DGKI: variants seen among roughly 807,000 people sequenced by gnomAD.
DGKI encodes diacylglycerol kinase iota.
Under a neutral mutation model 147.5 loss-of-function variants are expected in DGKI, and 55 were observed. The observed-to-expected ratio is 0.37, with a 90% CI of 0.30 to 0.47. DGKI has a LOEUF of 0.47. Ranked by LOEUF, DGKI falls within the 20% of genes least tolerant of loss-of-function variation. DGKI has a pLI of 1.00. For synonymous variants in DGKI, 469 were observed against 477.1 expected (o/e 0.98, Z 0.22); for missense variants, 1,007 against 1,323.8 (o/e 0.76, Z 3.71).
intron 19 of DGKI, 128 bp from the exon 20 acceptor site, chr7:137,552,696 G>T: frequency 2.3e-6 from 2 of 887,914 alleles, no homozygotes; most frequent in Non-Finnish European, 3.4e-6. Flanking sequence ...ATCACCGGTG[G>T]TCAGGAGTTC....
intron 20 of DGKI, among the ~76,000 whole-genome samples, chr7:137,523,434 T>TCC (rs1554422819): frequency 2.7e-5 from 4 of 150,074 alleles, no homozygotes; most frequent in African/African-American, 9.8e-5. Flanking sequence ...CTCTCTCTCT[T>TCC]TCTCTCTCTC....
chr7:137,658,607 G>A (rs531234516), intron 3 of DGKI, among the ~76,000 whole-genome samples: 29 of 152,244 alleles, frequency 1.9e-4, no homozygotes, highest in African/African-American at 6.5e-4. Context: ...TTGACACTAC[G>A]CTCTGCATTA....
chr7:137,505,746 A>G (rs1816345507), intron 21 of DGKI, among the ~76,000 whole-genome samples: 1 of 151,810 alleles, frequency 6.6e-6, no homozygotes. Context: ...CCCAAAAAAT[A>G]CATAGAATTC....
chr7:137,521,028 C>T (rs883221), intron 21 of DGKI, among the ~76,000 whole-genome samples: 3,608 of 152,104 alleles, frequency 0.024, 164 homozygotes, highest in African/African-American at 0.082. Context: ...ATTGCCTATT[C>T]CCTTGGACAC....
At chr7:137,499,209 T>G (rs1363325208) in intron 21 of DGKI, among the ~76,000 whole-genome samples, 1 of 152,034 alleles carries the variant, frequency 6.6e-6, no homozygotes, top group African/African-American at 2.4e-5. Context: ...ATACAACGAG[T>G]AAAGTAGTTA....
intron 19 of DGKI, among the ~76,000 whole-genome samples, chr7:137,557,670 T>C (rs1818271026): frequency 6.6e-6 from 1 of 152,152 alleles, no homozygotes; most frequent in African/African-American, 2.4e-5. Context: ...AGCTAGTAAT[T>C]CCTTTGAGCT....
At chr7:137,397,691 A>C (rs1811603392) in intron 30 of DGKI, among the ~76,000 whole-genome samples, 1 of 152,250 alleles carries the variant, frequency 6.6e-6, no homozygotes, top group Non-Finnish European at 1.5e-5. Flanking sequence ...ACTGGAATAG[A>C]ATAACTGAAA....
intron 31 of DGKI, 54 bp from the exon 32 acceptor site, chr7:137,395,751 G>T: frequency 3.2e-6 from 5 of 1,545,484 alleles, no homozygotes; most frequent in South Asian, 1.1e-5. Context: ...AGGCAGCAGG[G>T]AATGGGTGAG....
At chr7:137,722,457 CA>C (rs1393963241) in intron 1 of DGKI, 2 of 1,610,938 alleles carry the variant, frequency 1.2e-6, no homozygotes, top group African/African-American at 1.3e-5. Context: ...CTGGACGCCA[CA>C]GGGGCAAGAG....
chr7:137,559,689 C>G (rs1033850714), intron 19 of DGKI, among the ~76,000 whole-genome samples: 8 of 151,592 alleles, frequency 5.3e-5, no homozygotes, highest in Admixed American at 1.3e-4. Context: ...CTAGTCACTA[C>G]CAAAGTGAGT....
At chr7:137,588,124 T>G (rs912256159) in intron 12 of DGKI, among the ~76,000 whole-genome samples, 1 of 152,164 alleles carries the variant, frequency 6.6e-6, no homozygotes, top group Admixed American at 6.5e-5. Context: ...GCTTTAAAGT[T>G]TATAGTTTTA....
At chr7:137,627,321 T>A (rs902855178) in intron 6 of DGKI, among the ~76,000 whole-genome samples, 1 of 152,244 alleles carries the variant, frequency 6.6e-6, no homozygotes, top group Non-Finnish European at 1.5e-5. Flanking sequence ...GCACATGTAT[T>A]ATCTCTCAAT....
chr7:137,686,131 AC>A (rs1334331306), intron 2 of DGKI, among the ~76,000 whole-genome samples: 3 of 152,216 alleles, frequency 2.0e-5, no homozygotes, highest in Non-Finnish European at 4.4e-5. Flanking sequence ...AGAAAGTCAA[AC>A]AAAAAGCACT....
chr7:137,541,448 G>T (rs560314585), intron 20 of DGKI, among the ~76,000 whole-genome samples: 1 of 152,266 alleles, frequency 6.6e-6, no homozygotes, highest in South Asian at 2.1e-4. Context: ...CATTTGTACT[G>T]TATTGGATGT....
intron 10 of DGKI, among the ~76,000 whole-genome samples, chr7:137,607,394 T>G (rs1436134711): frequency 6.6e-6 from 1 of 152,166 alleles, no homozygotes. Flanking sequence ...TTCTATTTAG[T>G]GAAATAGGAA....
intron 21 of DGKI, among the ~76,000 whole-genome samples, chr7:137,510,663 C>T (rs1356463922): frequency 6.6e-6 from 1 of 152,210 alleles, no homozygotes; most frequent in African/African-American, 2.4e-5. Flanking sequence ...ACAATTTCTA[C>T]ATCATGCTGT....
At chr7:137,708,014 A>T (rs1794093956) in intron 1 of DGKI, among the ~76,000 whole-genome samples, 1 of 152,182 alleles carries the variant, frequency 6.6e-6, no homozygotes, top group Non-Finnish European at 1.5e-5. Flanking sequence ...CAATTATCTG[A>T]GCCTGACAGC....
chr7:137,480,860 C>G (rs1585156645), intron 23 of DGKI, among the ~76,000 whole-genome samples: 2 of 152,094 alleles, frequency 1.3e-5, no homozygotes, highest in African/African-American at 4.8e-5. Flanking sequence ...TGGGGAAACC[C>G]AGGGTGTCTA....
intron 30 of DGKI, among the ~76,000 whole-genome samples, chr7:137,402,258 A>T (rs1811787325): frequency 6.6e-6 from 1 of 152,256 alleles, no homozygotes; most frequent in Admixed American, 6.5e-5. Context: ...GATCCCAGCC[A>T]ATATCACTTT....
Sources: gnomAD v4.1 joint callset for allele counts (sites outside exome capture counted in the v4.1 genomes callset) on GRCh38, gnomAD v4.1.1 for gene constraint, MANE v1.5 for transcripts, NCBI Gene and HGNC (gene_info 2026-07-23, HGNC 2026-07-21) for gene names.